KCNJ8: variants seen among roughly 807,000 people sequenced by gnomAD.
The protein encoded by KCNJ8 is potassium inwardly rectifying channel subfamily J member 8, also known as ATP-sensitive inward rectifier potassium channel 8.
A neutral mutation model predicts 28.2 loss-of-function variants in KCNJ8; 13 were observed. The observed-to-expected ratio is 0.46, with a 90% confidence interval of 0.30 to 0.73. The LOEUF (loss-of-function observed/expected upper bound fraction) is 0.73, where lower values mean the gene tolerates loss of function less well. KCNJ8 is among the 30% of genes least tolerant of loss of function. The probability of loss-of-function intolerance (pLI) is 0.07; values close to 1 mark genes in which losing one functional copy is unlikely to be tolerated. For missense variants in KCNJ8, 284 were observed against 542.6 expected (o/e 0.52, Z 4.73); for synonymous variants, 188 against 195.9 (o/e 0.96, Z 0.34).
chr12:21,771,533 A>G (rs1233047671), intron 2 of KCNJ8, among the ~76,000 whole-genome samples: 1 of 152,234 alleles, frequency 6.6e-6, no homozygotes, highest in African/African-American at 2.4e-5. Flanking sequence ...ATGGTCAAAC[A>G]TTATTTGGAA....
Position 21,766,646 on chromosome 12 carries a change from A to G in KCNJ8, c.375-23T>C. Reference sequence around the variant, plus strand: ...GACCTGTGAGGAATGATATCAGAAAAGAACACCATCAGGTCACATTTTGAA... The same window carrying G: ...GACCTGTGAGGAATGATATCAGAAAGGAACACCATCAGGTCACATTTTGAA... On this transcript the variant is annotated intron_variant, in intron 2 of 2. Coordinates refer to ENST00000240662, the MANE Select transcript of KCNJ8 (RefSeq NM_004982.4). The surrounding 1 kb of genome is among the most constrained non-coding windows in gnomAD (Gnocchi z 6.5). The G allele has an allele frequency of 6.4e-7, 1 of 1,567,856 alleles. No individual in the cohort carries two copies. Among genetic ancestry groups the G allele is most frequent in the East Asian group, 2.2e-5 (1 of 44,728 alleles).
At chr12:21,767,676 G>A (rs1344331891) in intron 2 of KCNJ8, among the ~76,000 whole-genome samples, 2 of 152,136 alleles carry the variant, frequency 1.3e-5, no homozygotes, top group African/African-American at 4.8e-5. Context: ...GGAGAATACT[G>A]AAATGATTAA....
Position 21,773,628 on chromosome 12 carries a change from C to T in KCNJ8, c.-12G>A. On this transcript the variant is annotated 5_prime_UTR_variant, in exon 2 of 3. An upstream start codon of the reference 5' UTR is lost. Transcript: ENST00000240662. This position sits in a 1 kb window ranked among gnomAD's most constrained non-coding sequence, Gnocchi z 4.6. ...TTTCTGGCCAACATCGTCCTGTCACCATAGCCAGCTTAGCCACCTCCCTCT... is the reference window on the plus strand; with the variant it reads ...TTTCTGGCCAACATCGTCCTGTCACTATAGCCAGCTTAGCCACCTCCCTCT... 1 of 1,611,458 alleles carries T rather than the reference C, an allele frequency of 6.2e-7. No homozygotes were observed. The highest frequency in any genetic ancestry group is 8.5e-7 in the Non-Finnish European group (1 of 1,180,006).
intron 2 of KCNJ8, among the ~76,000 whole-genome samples, chr12:21,769,655 A>T (rs981275965): frequency 6.6e-6 from 1 of 152,214 alleles, no homozygotes; most frequent in African/African-American, 2.4e-5. Context: ...TTTGTGATTC[A>T]CGGGAGGAGG....
intron 2 of KCNJ8, among the ~76,000 whole-genome samples, chr12:21,770,865 A>G (rs948218853): frequency 6.6e-6 from 1 of 152,246 alleles, no homozygotes; most frequent in Non-Finnish European, 1.5e-5. Flanking sequence ...TCAAAGTATT[A>G]CCTATTTATT....
At chr12:21,770,468 C>G (rs1297039065) in intron 2 of KCNJ8, among the ~76,000 whole-genome samples, 1 of 152,132 alleles carries the variant, frequency 6.6e-6, no homozygotes, top group East Asian at 1.9e-4. Flanking sequence ...CTAAGGTATA[C>G]CTGTAATTAA....
At chr12:21,771,961 A>G (rs1370451739) in intron 2 of KCNJ8, among the ~76,000 whole-genome samples, 1 of 152,220 alleles carries the variant, frequency 6.6e-6, no homozygotes, top group Non-Finnish European at 1.5e-5. Context: ...AGAAGTTTGA[A>G]AAAAGAAAAT....
chr12:21,765,728 A>T lies in KCNJ8; in HGVS notation c.1270T>A (p.Ser424Thr). 1 of 1,613,980 alleles carries T rather than the reference A, an allele frequency of 6.2e-7. No individual in the cohort carries two copies. Among genetic ancestry groups the T allele is most frequent in the Non-Finnish European group, 8.5e-7 (1 of 1,179,840 alleles). ...GTCTTGGGGTTATCTTGCTGTCATG[A>T]TTCCGATGTGTTTTGATTTCCTTCT... ...TPEGNQNTSE[S>T] Residue 424 changes from serine to threonine, a missense_variant, in exon 3 of 3, where the codon TCA becomes ACA. Physicochemically the swap from Ser to Thr is moderately conservative, Grantham distance 58. Coordinates refer to ENST00000240662, the MANE Select transcript of KCNJ8 (RefSeq NM_004982.4).
At position 21,773,122 on chromosome 12, in the gene KCNJ8, A is replaced by T; in HGVS notation, c.374+121T>A. 1 of 1,182,766 alleles carries T rather than the reference A, an allele frequency of 8.5e-7. No homozygotes were observed. Among genetic ancestry groups the T allele is most frequent in the Admixed American group, 1.8e-5 (1 of 55,964 alleles). 73.3% of individuals were successfully genotyped at this position (1,182,766 alleles called of 1,614,324 possible). Reference sequence around the variant, plus strand: ...CTTTATTGTGCTTTTTTGTTTCTGAAGATTCTAAAACAAACCCTTTATTTC... The same window carrying T: ...CTTTATTGTGCTTTTTTGTTTCTGATGATTCTAAAACAAACCCTTTATTTC... On this transcript the variant is annotated intron_variant, in intron 2 of 2. Transcript: ENST00000240662. This position sits in a 1 kb window ranked among gnomAD's most constrained non-coding sequence, Gnocchi z 4.6.
Position 21,766,058 on chromosome 12 carries a change from T to G in KCNJ8, c.940A>C (p.Ile314Leu), listed in dbSNP as rs1043556762. Reference protein sequence around the residue: ...GITTQARTSYIAEEIQWGHRF... With the variant: ...GITTQARTSYLAEEIQWGHRF... Reference sequence around the variant, plus strand: ...TGGCCCCATTGGATCTCCTCAGCAATGTAGGAGGTTCGTGCTTGTGTGGTG... The same window carrying G: ...TGGCCCCATTGGATCTCCTCAGCAAGGTAGGAGGTTCGTGCTTGTGTGGTG... Residue 314 changes from isoleucine (I) to leucine (L), a missense_variant, in exon 3 of 3, where the codon ATT becomes CTT. Transcript: ENST00000240662. This position sits in a 1 kb window ranked among gnomAD's most constrained non-coding sequence, Gnocchi z 6.5. 2.5e-6 allele frequency: 4 copies of G among 1,613,950 alleles called. No individual in the cohort carries two copies. In the South Asian group the frequency reaches 3.3e-5, roughly 13 times the overall value.
chr12:21,772,528 T>C (rs773889963), intron 2 of KCNJ8, among the ~76,000 whole-genome samples: 9 of 152,226 alleles, frequency 5.9e-5, no homozygotes, highest in African/African-American at 9.6e-5. Context: ...AGAACTATCT[T>C]GTCCCTATTC....
At chr12:21,771,650 A>C (rs1047440312) in intron 2 of KCNJ8, among the ~76,000 whole-genome samples, 1 of 152,152 alleles carries the variant, frequency 6.6e-6, no homozygotes, top group Admixed American at 6.5e-5. Context: ...ATTATTAGTC[A>C]CCTTTTACAT....
At chr12:21,768,737 A>G (rs1286938174) in intron 2 of KCNJ8, among the ~76,000 whole-genome samples, 1 of 152,238 alleles carries the variant, frequency 6.6e-6, no homozygotes, top group South Asian at 2.1e-4. Flanking sequence ...GCTGAGATGC[A>G]GAAAATTTGA....
At chr12:21,769,824 TTGC>T (rs1438110575) in intron 2 of KCNJ8, among the ~76,000 whole-genome samples, 7 of 152,202 alleles carry the variant, frequency 4.6e-5, no homozygotes, top group African/African-American at 1.7e-4. Context: ...TGTGACTGAA[TTGC>T]TGCAATCTCA....
In KCNJ8 at chr12:21,770,268, A is replaced by AT. The variant is rs774950403; in HGVS notation, c.374+2974dup. ...GCAGAAGGCTCAGATGAACATTAGC[A>AT]TTTTTTAGCATTAAAATATTTTTTG... On this transcript the variant is annotated intron_variant, in intron 2 of 2. Transcript: ENST00000240662. Among the ~76,000 whole-genome samples the AT allele has an allele frequency of 8.5e-5, 13 of 152,258 alleles. No individual in the cohort carries two copies. In the East Asian group the frequency reaches 2.3e-3, roughly 27 times the overall value.
At chr12:21,769,169 T>C (rs542637855) in intron 2 of KCNJ8, among the ~76,000 whole-genome samples, 1 of 152,292 alleles carries the variant, frequency 6.6e-6, no homozygotes, top group South Asian at 2.1e-4. Context: ...CTAATGCAGC[T>C]GGTAACATCA....
At position 21,766,855 on chromosome 12, in the gene KCNJ8, T is replaced by G; in HGVS notation, c.375-232A>C. On this transcript the variant is annotated intron_variant, in intron 2 of 2. Coordinates refer to ENST00000240662, the MANE Select transcript of KCNJ8 (RefSeq NM_004982.4). The surrounding 1 kb of genome is among the most constrained non-coding windows in gnomAD (Gnocchi z 6.5). ...GGAGATTAACATTCTATTAATTAAGTTCCCTTAAGCTAAGGCCTAATTCTA... is the reference window on the plus strand; with the variant it reads ...GGAGATTAACATTCTATTAATTAAGGTCCCTTAAGCTAAGGCCTAATTCTA... 2 of 572,374 alleles carry G rather than the reference T, an allele frequency of 3.5e-6. No homozygotes were observed. The highest frequency in any genetic ancestry group is 6.2e-6 in the Non-Finnish European group (2 of 321,090). 35.5% of individuals were successfully genotyped at this position (572,374 alleles called of 1,614,324 possible). A position where few individuals can be genotyped will look rare whatever the true frequency, so the allele number is the denominator to read the frequency against.
intron 2 of KCNJ8, among the ~76,000 whole-genome samples, chr12:21,768,816 CCTAA>C (rs930377491): frequency 2.6e-5 from 4 of 152,104 alleles, no homozygotes; most frequent in Non-Finnish European, 4.4e-5. Flanking sequence ...AGAGCAAGGC[CCTAA>C]CTCTCTTCAT....
At chr12:21,768,038 A>G (rs1940673032) in intron 2 of KCNJ8, among the ~76,000 whole-genome samples, 2 of 151,848 alleles carry the variant, frequency 1.3e-5, no homozygotes, top group African/African-American at 4.8e-5. Flanking sequence ...GTAGAAGACA[A>G]TACTGGGGGG....
Sources: allele counts gnomAD v4.1 joint callset (sites outside exome capture counted in the v4.1 genomes callset), GRCh38; gene constraint gnomAD v4.1.1; non-coding constraint Gnocchi (gnomAD v3.1); transcripts MANE v1.5; gene names NCBI Gene and HGNC (gene_info 2026-07-23, HGNC 2026-07-21).